The following RBL1 variants were observed in gnomAD, a reference collection of about 807,000 sequenced individuals.
RBL1 encodes the protein RB transcriptional corepressor like 1.
RBL1 carries 82 observed loss-of-function variants against 123.0 expected under a neutral mutation model. The observed-to-expected ratio is 0.67, with a 90% CI of 0.56 to 0.80. The LOEUF (loss-of-function observed/expected upper bound fraction) is 0.80. Among genes scored for constraint, RBL1 ranks in the 30% least tolerant of loss-of-function variants. The probability of loss-of-function intolerance (pLI) is 0.00; values close to 1 mark genes in which losing one functional copy is unlikely to be tolerated. For missense variants in RBL1, 1,171 were observed against 1,299.6 expected, an observed-to-expected ratio of 0.90 and a Z score of 1.52; for synonymous variants, 405 against 441.3, an observed-to-expected ratio of 0.92 and a Z score of 1.03.
intron 21 of RBL1, 175 bp downstream of exon 21, chr20:37,003,527 A>G (rs2064019477): frequency 8.6e-7 from 1 of 1,168,266 alleles, no homozygotes; most frequent in Non-Finnish European, 1.1e-6. Context: ...ATAATGGATT[A>G]AACTACCTCA....
chr20:37,065,913 C>T (rs1342548935), intron 6 of RBL1, among the ~76,000 whole-genome samples: 1 of 152,142 alleles, frequency 6.6e-6, no homozygotes, highest in Non-Finnish European at 1.5e-5. Context: ...CGCGCCCAGT[C>T]CCTGGGATCC....
At chr20:37,006,724 T>C (rs766523890) in intron 20 of RBL1, among the ~76,000 whole-genome samples, 4 of 147,570 alleles carry the variant, frequency 2.7e-5, no homozygotes, top group Non-Finnish European at 6.0e-5. Context: ...CCTGTAATCC[T>C]AGCTACTAGG....
chr20:37,008,939 C>T (rs2064113367), intron 19 of RBL1, among the ~76,000 whole-genome samples: 1 of 152,070 alleles, frequency 6.6e-6, no homozygotes, highest in Admixed American at 6.6e-5. Flanking sequence ...CTGAGAAGTA[C>T]TGCAGTTGGG....
Position 37,010,805 on chromosome 20 carries a change from T to C in RBL1, c.2723-3246A>G, listed in dbSNP as rs375039398. 6.8e-4 allele frequency among the ~76,000 whole-genome samples: 103 copies of C among 152,160 alleles called. 2 individuals are homozygous for C. Among genetic ancestry groups the C allele is most frequent in the African/African-American group, 2.4e-3 (100 of 41,490 alleles). On this transcript the variant is annotated intron_variant, in intron 19 of 21. Transcript: ENST00000373664. ...GTGTGTGTGTCCACACATACATACA[T>C]ATACATATAATTATCTTTTTTATTT...
chr20:37,001,247 C>T (rs537084929), intron 21 of RBL1, among the ~76,000 whole-genome samples: 6 of 152,094 alleles, frequency 3.9e-5, no homozygotes, highest in Admixed American at 2.0e-4. Flanking sequence ...GCCACCACCC[C>T]GTCTGGGAGG....
At chr20:37,008,549 AG>A (rs1600449401) in intron 19 of RBL1, among the ~76,000 whole-genome samples, 1 of 152,214 alleles carries the variant, frequency 6.6e-6, no homozygotes, top group African/African-American at 2.4e-5. Flanking sequence ...TTTTTGGGGA[AG>A]GAAGAGTATT....
intron 2 of RBL1, among the ~76,000 whole-genome samples, chr20:37,074,632 T>C (rs1002504602): frequency 6.6e-6 from 1 of 151,978 alleles, no homozygotes; most frequent in African/African-American, 2.4e-5. Flanking sequence ...ACTGGTACAG[T>C]CACCTTGGAA....
At chr20:37,054,059 T>A (rs914766403) in intron 11 of RBL1, among the ~76,000 whole-genome samples, 21 of 141,578 alleles carry the variant, frequency 1.5e-4, no homozygotes, top group Admixed American at 3.6e-4. Context: ...ACACACACAC[T>A]GTTTTAATGT....
intron 9 of RBL1, 93 bp from the exon 10 acceptor site, chr20:37,056,351 C>CTTTTTT (rs199931898): frequency 7.1e-5 from 69 of 971,988 alleles, no homozygotes; most frequent in African/African-American, 3.8e-4. Flanking sequence ...CCTTCTTCTT[C>CTTTTTT]TTTTTTTTTT....
chr20:37,068,083 A>T lies in RBL1; in HGVS notation c.394T>A (p.Ser132Thr). The T allele has an allele frequency of 6.2e-7, 1 of 1,613,740 alleles. No individual in the cohort carries two copies. Residue 132 changes from serine (S) to threonine (T), a missense_variant, in exon 3 of 22, where the codon TCT (serine) becomes ACT (threonine). Ser to Thr is a moderately conservative substitution (Grantham distance 58, BLOSUM62 1). Transcript: ENST00000373664. ...TCATATTTTTTGAATATTACAGTAG[A>T]CACCTCAAAATTTCTCTCTAGCCTT... The part of the protein sequence containing the change: ...IERLERNFEV[S>T]TVIFKKYEPI...
chr20:37,073,705 G>GAAAAAAAAAAA (rs796752326), intron 2 of RBL1, among the ~76,000 whole-genome samples: 8 of 103,136 alleles, frequency 7.8e-5, no homozygotes, highest in East Asian at 3.1e-4. Flanking sequence ...CTCAAAAAAA[G>GAAAAAAAAAAA]AAAAAAAAAA....
chr20:37,063,567 A>G (rs1248558856), intron 7 of RBL1, among the ~76,000 whole-genome samples: 1 of 152,038 alleles, frequency 6.6e-6, no homozygotes, highest in Non-Finnish European at 1.5e-5. Flanking sequence ...GCTGGAGTGC[A>G]ATGGTGTGAT....
intron 2 of RBL1, among the ~76,000 whole-genome samples, chr20:37,069,846 G>C (rs1399985687): frequency 1.3e-4 from 19 of 149,262 alleles, no homozygotes; most frequent in Non-Finnish European, 2.2e-4. Context: ...GGAGGGAGGT[G>C]GGGGGGTCAG....
intron 11 of RBL1, among the ~76,000 whole-genome samples, chr20:37,050,067 A>AAAAAAAAAAGAGAGAGAGAG (rs2064883262): frequency 6.6e-6 from 1 of 151,952 alleles, no homozygotes; most frequent in Non-Finnish European, 1.5e-5. Context: ...CATCTCAAAA[A>AAAAAAAAAAGAGAGAGAGAG]AAAAAAAAAG....
intron 19 of RBL1, among the ~76,000 whole-genome samples, chr20:37,015,063 C>CA (rs1185151735): frequency 0.028 from 1,970 of 69,578 alleles, 43 homozygotes; most frequent in African/African-American, 0.063. Flanking sequence ...GACTGTATCT[C>CA]AAAAAAAAAA....
At chr20:37,008,048 G>A (rs1319851412) in intron 19 of RBL1, among the ~76,000 whole-genome samples, 1 of 152,178 alleles carries the variant, frequency 6.6e-6, no homozygotes, top group African/African-American at 2.4e-5. Flanking sequence ...CTAGAGAAAT[G>A]CAAACATATG....
At chr20:37,002,854 C>G (rs1320038385) in intron 21 of RBL1, among the ~76,000 whole-genome samples, 4 of 151,778 alleles carry the variant, frequency 2.6e-5, no homozygotes, top group Admixed American at 2.0e-4. Flanking sequence ...AGCAGAGTAG[C>G]TGAGATTATA....
chr20:37,055,661 C>A lies in RBL1; in HGVS notation c.1364-5G>T. ...TTAGTCTGTTTACAGCAAAGTCTAT[C>A]AGGGAAATACAGAGAAAACATGTGT... On this transcript the variant is annotated splice_region_variant and splice_polypyrimidine_tract_variant and intron_variant, in intron 10 of 21. Coordinates refer to ENST00000373664, the MANE Select transcript of RBL1 (RefSeq NM_002895.5). 6.3e-7 allele frequency: 1 copy of A among 1,592,256 alleles called. No homozygotes were observed. The highest frequency in any genetic ancestry group is 1.1e-5 in the South Asian group (1 of 87,444).
intron 11 of RBL1, among the ~76,000 whole-genome samples, chr20:37,048,238 G>GT (rs2064847980): frequency 2.0e-5 from 3 of 152,274 alleles, no homozygotes; most frequent in Non-Finnish European, 4.4e-5. Flanking sequence ...GGAAGTGGGG[G>GT]TGAAGCATTG....
Sources: gnomAD v4.1 joint callset for allele counts (sites outside exome capture counted in the v4.1 genomes callset) on GRCh38, gnomAD v4.1.1 for gene constraint, MANE v1.5 for transcripts, NCBI Gene and HGNC (gene_info 2026-07-23, HGNC 2026-07-21) for gene names.